The following NALF1 variants were observed in gnomAD, a reference collection of about 807,000 sequenced individuals.
The protein encoded by NALF1 is NALCN channel auxiliary factor 1.
A neutral mutation model predicts 48.4 loss-of-function variants in NALF1; 3 were observed. The observed-to-expected ratio is 0.06, with a 90% CI of 0.03 to 0.16. The LOEUF is 0.16. Ranked by LOEUF, NALF1 falls within the 10% of genes least tolerant of loss-of-function variation. The pLI is 1.00. For synonymous variants in NALF1, 262 were observed against 245.7 expected (o/e 1.07, Z -0.62); for missense variants, 526 against 571.5 (o/e 0.92, Z 0.81).
intron 1 of NALF1, among the ~76,000 whole-genome samples, chr13:107,718,012 T>C (rs1875872376): frequency 6.6e-6 from 1 of 152,204 alleles, no homozygotes; most frequent in Non-Finnish European, 1.5e-5. Context: ...TTCCAGCTGA[T>C]AAAACTGGCT....
chr13:107,559,183 A>C (rs1323204832), intron 1 of NALF1, among the ~76,000 whole-genome samples: 1 of 152,020 alleles, frequency 6.6e-6, no homozygotes, highest in Non-Finnish European at 1.5e-5. Context: ...CATGCTAAAA[A>C]CTCAGCCAGT....
At chr13:107,425,719 T>A (rs941755070) in intron 1 of NALF1, among the ~76,000 whole-genome samples, 9 of 152,184 alleles carry the variant, frequency 5.9e-5, no homozygotes, top group Admixed American at 3.3e-4. Context: ...TTTACTATGA[T>A]GTTGAATATC....
At position 107,749,556 on chromosome 13, in the gene NALF1, T is replaced by G. The variant is rs117550148; in HGVS notation, c.915+116126A>C. The stretch of plus-strand genomic sequence containing the variant: ...TCTAGCATATAACCAACATAAAAAC[T>G]ATCCTTGAGATATTTTACATACTAT... On this transcript the variant is annotated intron_variant, in intron 1 of 2. Coordinates refer to ENST00000375915, the MANE Select transcript of NALF1 (RefSeq NM_001080396.3). Among the ~76,000 whole-genome samples the G allele has an allele frequency of 3.7e-4, 57 of 152,026 alleles. No homozygotes were observed. The East Asian group carries it at 0.01, about 28-fold the overall frequency.
At chr13:107,393,272 GATTTAAA>G (rs1007802888) in intron 1 of NALF1, among the ~76,000 whole-genome samples, 9 of 151,976 alleles carry the variant, frequency 5.9e-5, no homozygotes, top group Non-Finnish European at 1.0e-4. Context: ...CAAAATTTTA[GATTTAAA>G]ATCTAAAATC....
At chr13:107,181,019 A>C (rs1879049181) in intron 2 of NALF1, among the ~76,000 whole-genome samples, 1 of 151,594 alleles carries the variant, frequency 6.6e-6, no homozygotes, top group Admixed American at 6.6e-5. Flanking sequence ...GTTGTGTATA[A>C]TATTGTCTCA....
intron 1 of NALF1, among the ~76,000 whole-genome samples, chr13:107,633,030 A>G (rs1879875015): frequency 6.6e-6 from 1 of 152,086 alleles, no homozygotes; most frequent in African/African-American, 2.4e-5. Context: ...ATTTTTAGAA[A>G]GAGAGAATAG....
chr13:107,175,833 CAGT>C (rs1231580084), intron 2 of NALF1, among the ~76,000 whole-genome samples: 8 of 152,146 alleles, frequency 5.3e-5, no homozygotes, highest in African/African-American at 1.7e-4. Flanking sequence ...TTGAAGTTAG[CAGT>C]CTTGACCTAT....
intron 1 of NALF1, among the ~76,000 whole-genome samples, chr13:107,860,564 TCCACTGTGACC>T (rs1302967797): frequency 6.6e-6 from 1 of 152,112 alleles, no homozygotes; most frequent in Non-Finnish European, 1.5e-5. Flanking sequence ...TCCAGGATGT[TCCACTGTGACC>T]CCAAAGGCCA....
intron 1 of NALF1, among the ~76,000 whole-genome samples, chr13:107,235,261 A>C (rs1420748927): frequency 6.6e-6 from 1 of 152,232 alleles, no homozygotes; most frequent in African/African-American, 2.4e-5. Flanking sequence ...GTTAATTATT[A>C]TGTATGTGCT....
chr13:107,178,870 A>G (rs113259135), intron 2 of NALF1, among the ~76,000 whole-genome samples: 5,450 of 151,936 alleles, frequency 0.036, 303 homozygotes, highest in African/African-American at 0.12. Flanking sequence ...GCGTGAACCC[A>G]GGAGGCGGAG....
chr13:107,566,814 A>G (rs1877823284), intron 1 of NALF1, among the ~76,000 whole-genome samples: 1 of 152,174 alleles, frequency 6.6e-6, no homozygotes, highest in South Asian at 2.1e-4. Flanking sequence ...TGACATTTGC[A>G]GGCATGATCC....
At chr13:107,450,058 A>G (rs974721005) in intron 1 of NALF1, among the ~76,000 whole-genome samples, 1 of 152,134 alleles carries the variant, frequency 6.6e-6, no homozygotes, top group South Asian at 2.1e-4. Flanking sequence ...GAGATTAAAT[A>G]ATGACATAAA....
chr13:107,219,986 ACTT>A (rs1302451336), intron 1 of NALF1, among the ~76,000 whole-genome samples: 1 of 152,234 alleles, frequency 6.6e-6, no homozygotes, highest in African/African-American at 2.4e-5. Context: ...TAAAAGTTTT[ACTT>A]CTTGGCCATA....
At chr13:107,711,875 A>AC (rs1875603691) in intron 1 of NALF1, among the ~76,000 whole-genome samples, 1 of 152,190 alleles carries the variant, frequency 6.6e-6, no homozygotes, top group South Asian at 2.1e-4. Flanking sequence ...ATTAATAGGA[A>AC]ACATGCTTGA....
intron 1 of NALF1, among the ~76,000 whole-genome samples, chr13:107,548,638 C>T (rs1464438441): frequency 1.3e-5 from 2 of 152,002 alleles, no homozygotes; most frequent in Non-Finnish European, 2.9e-5. Context: ...CCATACTCTG[C>T]TGGAGATGGT....
chr13:107,464,255 G>A (rs139127626), intron 1 of NALF1, among the ~76,000 whole-genome samples: 282 of 152,114 alleles, frequency 1.9e-3, no homozygotes, highest in African/African-American at 6.2e-3. Context: ...TACAGTGAGT[G>A]ATATGCAACA....
intron 1 of NALF1, among the ~76,000 whole-genome samples, chr13:107,508,265 C>T (rs1265831159): frequency 6.6e-6 from 1 of 151,730 alleles, no homozygotes; most frequent in Non-Finnish European, 1.5e-5. Flanking sequence ...TGAGATTAGT[C>T]ATAAATGCTC....
intron 1 of NALF1, among the ~76,000 whole-genome samples, chr13:107,346,285 A>C (rs915102202): frequency 1.3e-5 from 2 of 152,204 alleles, no homozygotes; most frequent in African/African-American, 4.8e-5. Flanking sequence ...GTATATATCC[A>C]AAAGAATTAA....
chr13:107,449,482 A>G (rs186464255), intron 1 of NALF1, among the ~76,000 whole-genome samples: 3 of 152,358 alleles, frequency 2.0e-5, no homozygotes, highest in Admixed American at 2.0e-4. Context: ...GAGATTAAAA[A>G]GAATAAAAGT....
Sources: gnomAD v4.1 joint callset for allele counts (sites outside exome capture counted in the v4.1 genomes callset) on GRCh38, gnomAD v4.1.1 for gene constraint, MANE v1.5 for transcripts, NCBI Gene and HGNC (gene_info 2026-07-23, HGNC 2026-07-21) for gene names.